Variants in CHRNB3 observed in about 807,000 individuals in gnomAD.
CHRNB3 encodes the protein cholinergic receptor nicotinic beta 3 subunit.
CHRNB3 carries 37 observed loss-of-function variants against 40.6 expected under a neutral mutation model. The ratio of observed to expected loss-of-function variants is 0.91; its 90% CI spans 0.70 to 1.20. The LOEUF (loss-of-function observed/expected upper bound fraction) is 1.20, where lower values mean the gene tolerates loss of function less well. Ranked by LOEUF, CHRNB3 falls within the 50% of genes most tolerant of loss-of-function variation. The probability of loss-of-function intolerance (pLI) is 0.00; values close to 1 mark genes in which losing one functional copy is unlikely to be tolerated. For missense variants in CHRNB3, 505 were observed against 551.2 expected (o/e 0.92, Z 0.84); for synonymous variants, 207 against 207.1 (o/e 1.00, Z 0.00).
chr8:42,718,909 G>A (rs1816171863), intron 3 of CHRNB3, among the ~76,000 whole-genome samples: 1 of 151,960 alleles, frequency 6.6e-6, no homozygotes, highest in Admixed American at 6.6e-5. Flanking sequence ...TAGAGTTGGA[G>A]TGTTTTTCCA....
chr8:42,712,189 C>T (rs938568359), intron 3 of CHRNB3, among the ~76,000 whole-genome samples: 1 of 152,048 alleles, frequency 6.6e-6, no homozygotes, highest in African/African-American at 2.4e-5. Flanking sequence ...GATGGGGTTT[C>T]ACCATGTTGG....
At chr8:42,701,913 C>CT (rs1397358242) in intron 1 of CHRNB3, among the ~76,000 whole-genome samples, 5 of 152,350 alleles carry the variant, frequency 3.3e-5, no homozygotes, top group African/African-American at 1.2e-4. Context: ...GTGTGAGCTG[C>CT]TGGAGGCCTC....
At chr8:42,703,692 C>T (rs750466887) in intron 1 of CHRNB3, among the ~76,000 whole-genome samples, 29 of 152,066 alleles carry the variant, frequency 1.9e-4, no homozygotes, top group Non-Finnish European at 3.2e-4. Flanking sequence ...GTGAGCCATG[C>T]TGGCTCTACC....
rs55786845 is a variant in CHRNB3, at chr8:42,710,365, AT to A, written c.205-19del. 4.4e-4 allele frequency: 687 copies of A among 1,550,792 alleles called. 2 individuals carry two copies. The Middle Eastern group carries it at 5.4e-3, about 12-fold the overall frequency. ...ACTTATTTTCACTTCAACTTACAGT[AT>A]TTTTTAAATTTTCATTTTCTTAGGA... is the stretch of plus-strand genomic sequence containing the variant. On this transcript the variant is annotated intron_variant, in intron 2 of 5. Coordinates refer to ENST00000289957, the MANE Select transcript of CHRNB3 (RefSeq NM_000749.5).
intron 2 of CHRNB3, among the ~76,000 whole-genome samples, chr8:42,709,707 T>C (rs746599742): frequency 4.6e-5 from 7 of 152,212 alleles, no homozygotes; most frequent in Non-Finnish European, 8.8e-5. Flanking sequence ...CTTGGCTCAC[T>C]TGCAACCTCC....
chr8:42,708,905 C>A, intron 2 of CHRNB3, 37 bp downstream of exon 2: 1 of 1,587,580 alleles, frequency 6.3e-7, no homozygotes, highest in Non-Finnish European at 8.6e-7. Flanking sequence ...AAAGAACATG[C>A]ATTCCTTAAC....
At chr8:42,698,122 T>C (rs1378453129) in intron 1 of CHRNB3, among the ~76,000 whole-genome samples, 5 of 152,224 alleles carry the variant, frequency 3.3e-5, no homozygotes, top group Non-Finnish European at 5.9e-5. Flanking sequence ...TCTATGTGTT[T>C]TATGTGACTA....
chr8:42,727,208 A>G (rs1327644554), intron 3 of CHRNB3, among the ~76,000 whole-genome samples: 1 of 151,994 alleles, frequency 6.6e-6, no homozygotes, highest in African/African-American at 2.4e-5. Flanking sequence ...CCCTGTCTCT[A>G]CTAAAAACAC....
intron 3 of CHRNB3, among the ~76,000 whole-genome samples, chr8:42,724,917 AG>A (rs199997733): frequency 0.041 from 6,255 of 151,650 alleles, 171 homozygotes; most frequent in South Asian, 0.081. Flanking sequence ...CGGGAGGCGG[AG>A]GTTGCAGTGA....
Position 42,731,916 on chromosome 8 carries a change from A to G in CHRNB3, c.609A>G (p.Ile203Met), listed in dbSNP as rs1334722555. 6.2e-7 allele frequency: 1 copy of G among 1,614,184 alleles called. No homozygotes were observed. The highest frequency in any genetic ancestry group is 1.7e-5 in the Admixed American group (1 of 60,014). Reference sequence around the variant, plus strand: ...TCTTCGATAACGGAGAATGGGAAATACTGAACGCAAAGGGGATGAAGGGGA... The same window carrying G: ...TCTTCGATAACGGAGAATGGGAAATGCTGAACGCAAAGGGGATGAAGGGGA... ...KDFFDNGEWEILNAKGMKGNR... is the reference protein window; with the variant it reads ...KDFFDNGEWEMLNAKGMKGNR... Residue 203 changes from isoleucine to methionine, a missense_variant, in exon 5 of 6, where the codon ATA (isoleucine) becomes ATG (methionine). Physicochemically the swap from Ile to Met is conservative, Grantham distance 10. Coordinates refer to ENST00000289957, the MANE Select transcript of CHRNB3 (RefSeq NM_000749.5).
Position 42,732,474 on chromosome 8 carries a change from T to G in CHRNB3, c.1167T>G (p.Val389=), listed in dbSNP as rs1193592747. 8 of 1,611,800 alleles carry G rather than the reference T, an allele frequency of 5.0e-6. No individual in the cohort carries two copies. The highest frequency in any genetic ancestry group is 5.9e-6 in the Non-Finnish European group (7 of 1,179,590). ...KQLSDGEKVL[V]AFLEKAADSI... Reference sequence around the variant, plus strand: ...TTAGTGATGGAGAAAAAGTTCTAGTTGCTTTTTTGGAAAAAGCTGCTGATT... The same window carrying G: ...TTAGTGATGGAGAAAAAGTTCTAGTGGCTTTTTTGGAAAAAGCTGCTGATT... The change falls in exon 5 of 6, where the codon GTT becomes GTG. Residue 389 remains valine (V), a synonymous_variant. Transcript: ENST00000289957.
At chr8:42,700,349 A>G (rs1815769159) in intron 1 of CHRNB3, among the ~76,000 whole-genome samples, 1 of 150,906 alleles carries the variant, frequency 6.6e-6, no homozygotes, top group African/African-American at 2.4e-5. Context: ...TTTGAGACGG[A>G]ATCTCGCTCT....
intron 3 of CHRNB3, among the ~76,000 whole-genome samples, chr8:42,727,355 A>C (rs1198983534): frequency 6.8e-6 from 1 of 147,020 alleles, no homozygotes; most frequent in South Asian, 2.3e-4. Context: ...CCTGGGCGAT[A>C]GAGTGAGACT....
chr8:42,718,605 A>G (rs76155009), intron 3 of CHRNB3, among the ~76,000 whole-genome samples: 8,651 of 145,982 alleles, frequency 0.059, 322 homozygotes, highest in Middle Eastern at 0.11. Context: ...CCTGGGAGGC[A>G]GAGCTTGCAG....
intron 3 of CHRNB3, among the ~76,000 whole-genome samples, chr8:42,719,982 C>T (rs565370305): frequency 6.6e-6 from 1 of 152,120 alleles, no homozygotes; most frequent in South Asian, 2.1e-4. Flanking sequence ...CTTTAAAATC[C>T]TCCTCAAGGA....
rs186464757 is a variant in CHRNB3 at position 42,729,579 on chromosome 8, C to T, written c.250-1015C>T. Among the ~76,000 whole-genome samples the T allele has an allele frequency of 4.0e-4, 61 of 152,128 alleles. 1 individual carries two copies. In the East Asian group the frequency reaches 0.011, roughly 28 times the overall value. On this transcript the variant is annotated intron_variant, in intron 3 of 5. Transcript: ENST00000289957. ...GTGTGGAGTTCCATCATTTGTCAGG[C>T]ATCATGCATATTTCAGTATTTTACC...
rs531096810 is a variant in CHRNB3 at position 42,720,384 on chromosome 8, A to G, written c.249+9950A>G. Among the ~76,000 whole-genome samples the G allele has an allele frequency of 1.2e-3, 186 of 151,758 alleles. 1 individual carries two copies. The highest frequency in any genetic ancestry group is 1.1e-3 in the Admixed American group (17 of 15,244). ...CCGCCTTGGCCTCCCAAAGTGCTGGAATTACAGGCATGAGCCACCGCGCCC... is the reference window on the plus strand; with the variant it reads ...CCGCCTTGGCCTCCCAAAGTGCTGGGATTACAGGCATGAGCCACCGCGCCC... On this transcript the variant is annotated intron_variant, in intron 3 of 5. Coordinates refer to ENST00000289957, the MANE Select transcript of CHRNB3 (RefSeq NM_000749.5).
At chr8:42,734,948 C>T (rs1016833812) in intron 5 of CHRNB3, among the ~76,000 whole-genome samples, 4 of 151,956 alleles carry the variant, frequency 2.6e-5, no homozygotes, top group African/African-American at 4.8e-5. Flanking sequence ...GGGCCAGGCG[C>T]GGTAGCTCAC....
intron 5 of CHRNB3, among the ~76,000 whole-genome samples, chr8:42,735,238 CA>C (rs1231421021): frequency 2.0e-5 from 3 of 147,476 alleles, no homozygotes; most frequent in Non-Finnish European, 3.0e-5. Flanking sequence ...AACAAACAAA[CA>C]AAAAAACACT....
Sources: gnomAD v4.1 joint callset for allele counts (sites outside exome capture counted in the v4.1 genomes callset) on GRCh38, gnomAD v4.1.1 for gene constraint, MANE v1.5 for transcripts, NCBI Gene and HGNC (gene_info 2026-07-23, HGNC 2026-07-21) for gene names.